The following VPS53 variants were observed in gnomAD, a reference collection of about 807,000 sequenced individuals.
VPS53 encodes the protein VPS53 subunit of GARP complex, also known as vacuolar protein sorting-associated protein 53 homolog.
Under a neutral mutation model 107.0 loss-of-function variants are expected in VPS53, and 70 were observed. That is an observed-to-expected ratio of 0.65 (90% confidence interval 0.54 to 0.80). VPS53 has a LOEUF of 0.80. Ranked by LOEUF, VPS53 falls within the 30% of genes least tolerant of loss-of-function variation. VPS53 has a pLI of 0.00. For synonymous variants in VPS53, 409 were observed against 393.3 expected (o/e 1.04, Z -0.47); for missense variants, 917 against 1,049.4 (o/e 0.87, Z 1.74).
At chr17:632,618 CTG>C in intron 7 of VPS53, 1 of 430,168 alleles carries the variant, frequency 2.3e-6, no homozygotes, top group Non-Finnish European at 4.7e-6. Context: ...ATCATTCTAA[CTG>C]TATTTTTGTG....
At chr17:672,882 G>A (rs1409224025) in intron 4 of VPS53, among the ~76,000 whole-genome samples, 2 of 152,210 alleles carry the variant, frequency 1.3e-5, no homozygotes, top group African/African-American at 4.8e-5. Flanking sequence ...GGAGGCTGAG[G>A]AAGGTGGATC....
At chr17:674,376 G>GT (rs1270629127) in intron 4 of VPS53, 2 of 152,030 alleles carry the variant, frequency 1.3e-5, no homozygotes, top group Admixed American at 6.5e-5. Context: ...CATCTATATC[G>GT]TAAGTCTTCA....
intron 17 of VPS53, among the ~76,000 whole-genome samples, chr17:545,213 T>C (rs1376775669): frequency 6.6e-6 from 1 of 152,162 alleles, no homozygotes; most frequent in East Asian, 1.9e-4. Context: ...CATCACATTT[T>C]CCTCCCCCTT....
At chr17:656,787 G>A (rs1971209042) in intron 5 of VPS53, 4 of 1,312,472 alleles carry the variant, frequency 3.0e-6, no homozygotes, top group Admixed American at 1.7e-5. Flanking sequence ...GTCACCCACG[G>A]ACCATTTCAC....
intron 2 of VPS53, among the ~76,000 whole-genome samples, chr17:703,713 G>T (rs778195915): frequency 6.6e-6 from 1 of 152,034 alleles, no homozygotes; most frequent in Non-Finnish European, 1.5e-5. Flanking sequence ...AGGACAGTAT[G>T]ACCACAATCA....
rs143365072 is a variant in VPS53, at chr17:566,380, G to A, written c.1314-3635C>T. 8.2e-4 allele frequency among the ~76,000 whole-genome samples: 125 copies of A among 152,270 alleles called. 1 individual carries two copies. The highest frequency in any genetic ancestry group is 1.2e-3 in the Non-Finnish European group (85 of 68,010). ...ATCAACTGAAGTTGGTACAAAAGGC[G>A]AAGGAGGTAGAATCATCTGTTTCGT... is the stretch of plus-strand genomic sequence containing the variant. On this transcript the variant is annotated intron_variant, in intron 13 of 21. Coordinates refer to ENST00000437048, the MANE Select transcript of VPS53 (RefSeq NM_001128159.3).
rs1006007292 is a variant in VPS53, at chr17:606,447, G to A, written c.1117-4551C>T. On this transcript the variant is annotated intron_variant, in intron 11 of 21. Coordinates refer to ENST00000437048, the MANE Select transcript of VPS53 (RefSeq NM_001128159.3). Reference sequence around the variant, plus strand: ...GCCATGAGGATGGGATGAGGCATGCGTGTCAGGCGTGAGCTACACAGTTAC... The same window carrying A: ...GCCATGAGGATGGGATGAGGCATGCATGTCAGGCGTGAGCTACACAGTTAC... Among the ~76,000 whole-genome samples the A allele has an allele frequency of 3.9e-5, 6 of 152,146 alleles. 1 individual carries two copies. In the South Asian group the frequency reaches 6.2e-4, roughly 16 times the overall value.
Position 606,153 on chromosome 17 carries a change from G to C in VPS53, c.1117-4257C>G, listed in dbSNP as rs7218095. On this transcript the variant is annotated intron_variant, in intron 11 of 21. Transcript: ENST00000437048. ...GGATTTGGGGCACAGTTAGGAGGCA[G>C]AGCCAGGAGGCTTTGCTGAGAGAGT... Among the ~76,000 whole-genome samples, 242 of 152,074 alleles carry C rather than the reference G, an allele frequency of 1.6e-3. 4 individuals are homozygous for C. The highest frequency in any genetic ancestry group is 5.5e-3 in the African/African-American group (228 of 41,482).
At chr17:588,687 CT>C (rs1262140473) in intron 12 of VPS53, among the ~76,000 whole-genome samples, 1 of 152,172 alleles carries the variant, frequency 6.6e-6, no homozygotes, top group African/African-American at 2.4e-5. Flanking sequence ...TGTTTTTACT[CT>C]TATCATCTGG....
At chr17:631,361 G>A (rs1401016546) in intron 8 of VPS53, among the ~76,000 whole-genome samples, 189 bp downstream of exon 8, 1 of 151,960 alleles carries the variant, frequency 6.6e-6, no homozygotes, top group African/African-American at 2.4e-5. Flanking sequence ...GAAGGAAACA[G>A]AGGAGGAACT....
chr17:654,730 C>G (rs1276519865), intron 6 of VPS53, among the ~76,000 whole-genome samples: 4 of 125,248 alleles, frequency 3.2e-5, no homozygotes, highest in Admixed American at 8.2e-5. Context: ...GAGCCAGACT[C>G]CAACTCAAAA....
rs1273790596 is a variant in VPS53 at position 537,325 on chromosome 17, G to C, written c.1867-149C>G. On this transcript the variant is annotated intron_variant, in intron 17 of 21. Coordinates refer to ENST00000437048, the MANE Select transcript of VPS53 (RefSeq NM_001128159.3). ...TTTTGTCCTGGGGAGTTTCTTATTC[G>C]TTCTGTAGGGACTGATACTCAGGAC... The C allele has an allele frequency of 2.0e-5, 17 of 852,362 alleles. No homozygotes were observed. In the East Asian group the frequency reaches 2.4e-4, roughly 12 times the overall value. The allele number at this position is 852,362 out of a possible 1,614,324, so 52.8% of individuals were successfully genotyped here.
chr17:562,801 A>C, intron 13 of VPS53, 56 bp from the exon 14 acceptor site: 1 of 1,572,968 alleles, frequency 6.4e-7, no homozygotes, highest in Non-Finnish European at 8.6e-7. Context: ...AAGTAAAGCA[A>C]ATGTGCTCGT....
chr17:542,138 C>T (rs1910746987), intron 17 of VPS53, among the ~76,000 whole-genome samples: 1 of 152,246 alleles, frequency 6.6e-6, no homozygotes, highest in East Asian at 1.9e-4. Context: ...CAAGCACCTA[C>T]CACGTAACAG....
intron 13 of VPS53, among the ~76,000 whole-genome samples, chr17:571,690 G>A (rs1017697527): frequency 3.7e-4 from 57 of 152,342 alleles, no homozygotes; most frequent in South Asian, 6.2e-4. Context: ...TTGCAGGCGC[G>A]CGCTGCCATG....
rs145041715 is a variant in VPS53 at position 623,652 on chromosome 17, G to A, written c.997C>T (p.Arg333Cys). The stretch of plus-strand genomic sequence containing the variant: ...ACTTCAATTTCCTTCGCTCTGGTAC[G>A]CATAATCTTGGCAAGTTCTGCCCTT... ...VTRAELAKIM[R>C]TRAKEIEVKL... Residue 333 changes from arginine to cysteine, a missense_variant, in exon 11 of 22, where the codon CGT (arginine) becomes TGT (cysteine). Arg to Cys is a radical substitution (Grantham distance 180, BLOSUM62 -3). Transcript: ENST00000437048. 1.2e-4 allele frequency: 200 copies of A among 1,612,568 alleles called. No individual in the cohort carries two copies. Among genetic ancestry groups the A allele is most frequent in the African/African-American group, 5.6e-4 (42 of 74,990 alleles).
At chr17:550,706 A>G (rs780007166) in intron 17 of VPS53, among the ~76,000 whole-genome samples, 12 of 151,892 alleles carry the variant, frequency 7.9e-5, no homozygotes, top group Middle Eastern at 3.2e-3. Flanking sequence ...GAGATAAAAG[A>G]GGGGGTGAAA....
intron 17 of VPS53, among the ~76,000 whole-genome samples, chr17:542,798 GT>G (rs1375038258): frequency 1.3e-5 from 2 of 152,092 alleles, no homozygotes; most frequent in African/African-American, 4.8e-5. Context: ...GGCCAACACT[GT>G]GAAACCCCGT....
intron 12 of VPS53, among the ~76,000 whole-genome samples, chr17:591,666 A>G (rs1246022856): frequency 6.6e-6 from 1 of 152,104 alleles, no homozygotes; most frequent in Non-Finnish European, 1.5e-5. Context: ...CAGGTTGTTC[A>G]GTTTCCATGT....
Sources: allele counts gnomAD v4.1 joint callset (sites outside exome capture counted in the v4.1 genomes callset), GRCh38; gene constraint gnomAD v4.1.1; transcripts MANE v1.5; gene names NCBI Gene and HGNC (gene_info 2026-07-23, HGNC 2026-07-21).